Variants in ZNF385D observed in about 807,000 individuals in gnomAD.
ZNF385D encodes zinc finger protein 385D, also known as zinc finger protein 659.
ZNF385D carries 15 observed loss-of-function variants against 35.8 expected under a neutral mutation model. The observed-to-expected ratio is 0.42, with a 90% CI of 0.28 to 0.64. The LOEUF is 0.64. Among genes scored for constraint, ZNF385D ranks in the 30% least tolerant of loss-of-function variants. The probability of loss-of-function intolerance (pLI) is 0.23; values close to 1 mark genes in which losing one functional copy is unlikely to be tolerated. For missense variants in ZNF385D, 474 were observed against 494.6 expected (o/e 0.96, Z 0.39); for synonymous variants, 212 against 186.8 (o/e 1.13, Z -1.10).
At chr3:21,721,720 C>G (rs1213789248) in intron 1 of ZNF385D, among the ~76,000 whole-genome samples, 1 of 152,172 alleles carries the variant, frequency 6.6e-6, no homozygotes, top group Non-Finnish European at 1.5e-5. Context: ...CACAAAGCCT[C>G]TCCACTTTAT....
chr3:22,023,041 T>C (rs761979751), intron 3 of ZNF385D, among the ~76,000 whole-genome samples: 1 of 152,176 alleles, frequency 6.6e-6, no homozygotes, highest in African/African-American at 2.4e-5. Context: ...AAAAATAATG[T>C]GTATTCCAGG....
intron 3 of ZNF385D, among the ~76,000 whole-genome samples, chr3:22,058,242 C>T (rs1043305944): frequency 4.2e-4 from 64 of 152,196 alleles, no homozygotes; most frequent in Middle Eastern, 3.4e-3. Flanking sequence ...ATACTTTTTG[C>T]TTCAAATGAT....
At chr3:21,728,933 G>C (rs1360921367) in intron 1 of ZNF385D, among the ~76,000 whole-genome samples, 1 of 152,096 alleles carries the variant, frequency 6.6e-6, no homozygotes, top group Non-Finnish European at 1.5e-5. Context: ...ATCTTTCTTT[G>C]TTTTGTTCAC....
intron 2 of ZNF385D, among the ~76,000 whole-genome samples, chr3:22,170,619 A>C (rs1694345418): frequency 6.6e-6 from 1 of 152,202 alleles, no homozygotes; most frequent in Non-Finnish European, 1.5e-5. Context: ...TTAAATATGC[A>C]ATTTAAATGG....
intron 2 of ZNF385D, among the ~76,000 whole-genome samples, chr3:22,318,080 G>C (rs1409458923): frequency 6.6e-6 from 1 of 151,824 alleles, no homozygotes; most frequent in Non-Finnish European, 1.5e-5. Context: ...AAAAAAATGT[G>C]AATTAGAGTG....
At chr3:21,647,906 G>A (rs2335811) in intron 2 of ZNF385D, among the ~76,000 whole-genome samples, 4 of 151,908 alleles carry the variant, frequency 2.6e-5, no homozygotes, top group African/African-American at 7.3e-5. Flanking sequence ...TGGTATAAAC[G>A]TCAACCGATT....
At chr3:22,321,381 T>C (rs955544947) in intron 2 of ZNF385D, among the ~76,000 whole-genome samples, 1 of 152,080 alleles carries the variant, frequency 6.6e-6, no homozygotes, top group Non-Finnish European at 1.5e-5. Context: ...TTATTTATTT[T>C]TGAGATGGAG....
intron 1 of ZNF385D, among the ~76,000 whole-genome samples, chr3:21,680,479 A>G (rs1223094646): frequency 6.6e-6 from 1 of 152,198 alleles, no homozygotes; most frequent in African/African-American, 2.4e-5. Context: ...ATAAAAAGAC[A>G]TTGGTAGACC....
intron 2 of ZNF385D, among the ~76,000 whole-genome samples, chr3:22,284,924 A>C (rs1395227541): frequency 6.6e-6 from 1 of 152,148 alleles, no homozygotes. Flanking sequence ...GGCAGGCAGG[A>C]AAGAAGTAGC....
intron 3 of ZNF385D, among the ~76,000 whole-genome samples, chr3:22,003,214 G>C (rs1393125178): frequency 6.6e-6 from 1 of 152,112 alleles, no homozygotes; most frequent in African/African-American, 2.4e-5. Context: ...ACTGACAAAA[G>C]AATTCAGCTA....
chr3:22,005,083 A>AAAAAAAAAAAAAAAAAC, intron 3 of ZNF385D, among the ~76,000 whole-genome samples: 1 of 117,312 alleles, frequency 8.5e-6, no homozygotes, highest in Non-Finnish European at 1.7e-5. Context: ...AAAAAAAAAA[A>AAAAAAAAAAAAAAAAAC]AGGCAGAAAA....
intron 2 of ZNF385D, among the ~76,000 whole-genome samples, chr3:21,592,574 A>C (rs1028403312): frequency 5.4e-5 from 8 of 148,322 alleles, no homozygotes; most frequent in Admixed American, 2.0e-4. Context: ...AAAAAAAAAA[A>C]ACAATTATTG....
intron 2 of ZNF385D, among the ~76,000 whole-genome samples, chr3:22,241,109 T>A (rs1699469558): frequency 6.6e-6 from 1 of 151,176 alleles, no homozygotes; most frequent in East Asian, 2.0e-4. Flanking sequence ...GTTTGATCGA[T>A]AACTAAATCA....
chr3:21,574,124 A>G (rs1025783089), intron 2 of ZNF385D, among the ~76,000 whole-genome samples: 1 of 151,932 alleles, frequency 6.6e-6, no homozygotes, highest in Non-Finnish European at 1.5e-5. Flanking sequence ...GCAGTGACCA[A>G]CAATTACTAC....
chr3:21,599,373 T>C (rs1337513145), intron 2 of ZNF385D, among the ~76,000 whole-genome samples: 1 of 152,178 alleles, frequency 6.6e-6, no homozygotes, highest in Non-Finnish European at 1.5e-5. Flanking sequence ...ATAAAAACAT[T>C]AAACGTAAAT....
chr3:22,196,722 C>G (rs549775090), intron 2 of ZNF385D, among the ~76,000 whole-genome samples: 1 of 152,068 alleles, frequency 6.6e-6, no homozygotes, highest in East Asian at 1.9e-4. Context: ...TATTACAATT[C>G]TACATTTGTT....
At chr3:21,795,270 C>T (rs1257051286) in intron 3 of ZNF385D, among the ~76,000 whole-genome samples, 1 of 152,122 alleles carries the variant, frequency 6.6e-6, no homozygotes, top group African/African-American at 2.4e-5. Context: ...GCCTCAGGGG[C>T]CCCATTGGAC....
chr3:22,002,128 AAC>A lies in ZNF385D; in HGVS notation c.325+166687_325+166688del, dbSNP rs554767259. Among the ~76,000 whole-genome samples the A allele has an allele frequency of 2.8e-3, 433 of 152,054 alleles. 2 individuals are homozygous for A. Among genetic ancestry groups the A allele is most frequent in the Non-Finnish European group, 5.0e-3 (342 of 67,912 alleles). ...TAAACAAAATAAAGACTTAAAAAAA[AAC>A]ACACACAAAGATTAGTGAAATGAAA... On this transcript the variant is annotated intron_variant, in intron 3 of 5. Coordinates refer to the ZNF385D transcript ENST00000494108.
chr3:22,056,879 G>A (rs1292545134), intron 3 of ZNF385D, among the ~76,000 whole-genome samples: 1 of 152,154 alleles, frequency 6.6e-6, no homozygotes, highest in Admixed American at 6.5e-5. Flanking sequence ...TGAATGATTA[G>A]TAACCACTCA....
Sources: gnomAD v4.1 joint callset for allele counts (sites outside exome capture counted in the v4.1 genomes callset) on GRCh38, gnomAD v4.1.1 for gene constraint, MANE v1.5 for transcripts, NCBI Gene and HGNC (gene_info 2026-07-23, HGNC 2026-07-21) for gene names.